Variants in RYR2 observed in about 807,000 individuals in gnomAD.
RYR2 encodes the protein ryanodine receptor 2.
RYR2 carries 227 observed loss-of-function variants against 601.1 expected under a neutral mutation model. That is an observed-to-expected ratio of 0.38 (90% CI 0.34 to 0.42). The LOEUF (loss-of-function observed/expected upper bound fraction) is 0.42. RYR2 is among the 10% of genes least tolerant of loss of function. The pLI, the probability that RYR2 is intolerant of heterozygous loss-of-function variation, is 1.00. For missense variants in RYR2, 4,646 were observed against 6,156.5 expected (o/e 0.75, Z 8.21); for synonymous variants, 2,223 against 2,175.1 (o/e 1.02, Z -0.61).
At chr1:237,092,672 G>A (rs1387891299) in intron 1 of RYR2, among the ~76,000 whole-genome samples, 1 of 152,102 alleles carries the variant, frequency 6.6e-6, no homozygotes, top group East Asian at 1.9e-4. Flanking sequence ...TGGGATTACA[G>A]GCATGTGCCA....
intron 1 of RYR2, among the ~76,000 whole-genome samples, chr1:237,150,112 CTCAT>C (rs1418920292): frequency 6.6e-6 from 1 of 152,198 alleles, no homozygotes; most frequent in African/African-American, 2.4e-5. Flanking sequence ...ATGAAGTTCT[CTCAT>C]TATTTTCCTT....
At chr1:237,452,189 C>T (rs551704550) in intron 14 of RYR2, among the ~76,000 whole-genome samples, 8 of 145,302 alleles carry the variant, frequency 5.5e-5, no homozygotes, top group African/African-American at 2.0e-4. Flanking sequence ...AGTGTTTAAA[C>T]ATACATATTA....
In RYR2 at chr1:237,818,619, T is replaced by C. The variant is rs1574078248; in HGVS notation, c.14434-417T>C. Among the ~76,000 whole-genome samples, 4 of 152,250 alleles carry C rather than the reference T, an allele frequency of 2.6e-5. No individual in the cohort carries two copies. In the East Asian group the frequency reaches 7.7e-4, roughly 29 times the overall value. On this transcript the variant is annotated intron_variant, in intron 100 of 104. Coordinates refer to ENST00000366574, the MANE Select transcript of RYR2 (RefSeq NM_001035.3). ...GTATGTTTTCTTCTAGCTTAATTTC[T>C]AAGATTCCATCTTATTACCTGACCT...
rs373881520 is a variant in RYR2, at chr1:237,584,015, T to C, written c.3599-5778T>C. 2.6e-4 allele frequency among the ~76,000 whole-genome samples: 39 copies of C among 152,384 alleles called. No homozygotes were observed. In the East Asian group the frequency reaches 5.8e-3, roughly 23 times the overall value. ...GTCTGGCTCAGGCCCAAGTAACTGATTGGGCTCATATGCACTAATTTAAGA... is the reference window on the plus strand; with the variant it reads ...GTCTGGCTCAGGCCCAAGTAACTGACTGGGCTCATATGCACTAATTTAAGA... On this transcript the variant is annotated intron_variant, in intron 29 of 104. Coordinates refer to ENST00000366574, the MANE Select transcript of RYR2 (RefSeq NM_001035.3).
intron 101 of RYR2, among the ~76,000 whole-genome samples, chr1:237,821,438 A>G (rs1314803786): frequency 6.6e-6 from 1 of 152,008 alleles, no homozygotes; most frequent in Non-Finnish European, 1.5e-5. Context: ...AGAGGGGTCT[A>G]TTAGAAGGAA....
intron 29 of RYR2, among the ~76,000 whole-genome samples, chr1:237,585,449 G>A (rs1457281411): frequency 1.3e-5 from 2 of 152,110 alleles, no homozygotes; most frequent in African/African-American, 2.4e-5. Context: ...TCTTCATTAC[G>A]CAGGATACTT....
chr1:237,494,486 T>G (rs1341280760), intron 19 of RYR2, among the ~76,000 whole-genome samples: 2 of 152,106 alleles, frequency 1.3e-5, no homozygotes. Context: ...CCACCCAGAT[T>G]GAGGATGGGT....
intron 1 of RYR2, 91 bp from the exon 2 acceptor site, chr1:237,270,406 G>A (rs998580134): frequency 6.7e-7 from 1 of 1,497,722 alleles, no homozygotes; most frequent in African/African-American, 1.4e-5. Context: ...TTTTTAAAAT[G>A]CACTAAAATA....
chr1:237,829,597 T>TA (rs1663545110), intron 102 of RYR2, among the ~76,000 whole-genome samples: 1 of 152,168 alleles, frequency 6.6e-6, no homozygotes, highest in Non-Finnish European at 1.5e-5. Flanking sequence ...ATTGGAGTGG[T>TA]ATGAAGACCT....
intron 92 of RYR2, among the ~76,000 whole-genome samples, chr1:237,791,066 C>T (rs986856856): frequency 9.2e-5 from 14 of 152,164 alleles, no homozygotes; most frequent in Admixed American, 1.3e-4. Flanking sequence ...TTGCTCCCCG[C>T]TTGTGCATTC....
chr1:237,327,674 T>C (rs1696298642), intron 2 of RYR2, among the ~76,000 whole-genome samples: 1 of 152,238 alleles, frequency 6.6e-6, no homozygotes, highest in Non-Finnish European at 1.5e-5. Flanking sequence ...TGGTGCTTCA[T>C]CATTTCCAGA....
At chr1:237,354,804 T>C (rs1558673555) in intron 3 of RYR2, among the ~76,000 whole-genome samples, 1 of 152,116 alleles carries the variant, frequency 6.6e-6, no homozygotes, top group Non-Finnish European at 1.5e-5. Flanking sequence ...GTTTGTAAAA[T>C]GCAAAGGAGG....
intron 12 of RYR2, among the ~76,000 whole-genome samples, chr1:237,425,939 A>T (rs555721635): frequency 6.6e-6 from 1 of 152,128 alleles, no homozygotes; most frequent in Non-Finnish European, 1.5e-5. Flanking sequence ...TATATTTTTG[A>T]CAGATTCATA....
At chr1:237,457,010 A>G (rs1480282691) in intron 16 of RYR2, among the ~76,000 whole-genome samples, 1 of 152,186 alleles carries the variant, frequency 6.6e-6, no homozygotes, top group East Asian at 1.9e-4. Context: ...TTAATTTTTA[A>G]TTTACTGTGC....
intron 1 of RYR2, among the ~76,000 whole-genome samples, chr1:237,258,167 TA>T (rs5781947): frequency 0.42 from 45,880 of 108,098 alleles, 9,579 homozygotes; most frequent in Non-Finnish European, 0.53. Context: ...AGACTCCATC[TA>T]AAAAAAAAAA....
chr1:237,256,748 C>G (rs549253054), intron 1 of RYR2, among the ~76,000 whole-genome samples: 3 of 152,158 alleles, frequency 2.0e-5, no homozygotes, highest in Non-Finnish European at 4.4e-5. Context: ...GTAGGCTTAA[C>G]TCTAGTATTT....
At chr1:237,329,809 A>G (rs954404019) in intron 2 of RYR2, among the ~76,000 whole-genome samples, 3 of 152,150 alleles carry the variant, frequency 2.0e-5, no homozygotes, top group Non-Finnish European at 4.4e-5. Context: ...TCACCTCCTG[A>G]GTTGTGATTT....
intron 13 of RYR2, among the ~76,000 whole-genome samples, chr1:237,444,263 C>T (rs529710574): frequency 4.2e-4 from 64 of 152,196 alleles, no homozygotes; most frequent in African/African-American, 1.5e-3. Context: ...TTCATTAGTT[C>T]CACTTTTCAA....
At chr1:237,186,893 A>G (rs754988410) in intron 1 of RYR2, among the ~76,000 whole-genome samples, 1 of 152,230 alleles carries the variant, frequency 6.6e-6, no homozygotes, top group East Asian at 1.9e-4. Flanking sequence ...TGCAGCCCGC[A>G]TTGAGCAGCC....
Sources: allele counts gnomAD v4.1 joint callset (sites outside exome capture counted in the v4.1 genomes callset), GRCh38; gene constraint gnomAD v4.1.1; transcripts MANE v1.5; gene names NCBI Gene and HGNC (gene_info 2026-07-23, HGNC 2026-07-21).